The following CSNK1G3 variants were observed in gnomAD, a reference collection of about 807,000 sequenced individuals.
The protein encoded by CSNK1G3 is casein kinase I isoform gamma-3.
CSNK1G3 carries 23 observed loss-of-function variants against 64.3 expected under a neutral mutation model. That is an observed-to-expected ratio of 0.36 (90% confidence interval 0.26 to 0.51). The LOEUF (loss-of-function observed/expected upper bound fraction) is 0.51. Ranked by LOEUF, CSNK1G3 falls within the 20% of genes least tolerant of loss-of-function variation. The pLI is 0.96. For missense variants in CSNK1G3, 357 were observed against 510.5 expected, an observed-to-expected ratio of 0.70 and a Z score of 2.90; for synonymous variants, 158 against 162.2, an observed-to-expected ratio of 0.97 and a Z score of 0.20.
intron 6 of CSNK1G3, among the ~76,000 whole-genome samples, chr5:123,585,762 A>G (rs776084324): frequency 1.5e-4 from 23 of 152,216 alleles, no homozygotes; most frequent in Non-Finnish European, 2.8e-4. Flanking sequence ...CTTATACTTC[A>G]TAGCCACTAG....
chr5:123,542,400 A>G (rs1781816734), intron 1 of CSNK1G3, among the ~76,000 whole-genome samples: 1 of 152,174 alleles, frequency 6.6e-6, no homozygotes, highest in Non-Finnish European at 1.5e-5. Context: ...TTTATCTTTA[A>G]AGGAAATTAA....
rs189962750 is a variant in CSNK1G3, at chr5:123,563,274, C to T, written c.289+5710C>T. Reference sequence around the variant, plus strand: ...ATTCATATGTTAAATCATCATTTCTCGAGTGGCTTGACTTTTTGAGATTCC... The same window carrying T: ...ATTCATATGTTAAATCATCATTTCTTGAGTGGCTTGACTTTTTGAGATTCC... On this transcript the variant is annotated intron_variant, in intron 4 of 12. Coordinates refer to ENST00000345990, the Ensembl canonical transcript of CSNK1G3. 2.0e-5 allele frequency among the ~76,000 whole-genome samples: 3 copies of T among 152,084 alleles called. No individual in the cohort carries two copies. The East Asian group carries it at 5.8e-4, about 29-fold the overall frequency.
chr5:123,545,853 T>C lies in CSNK1G3; in HGVS notation c.178+12T>C. 1 of 1,602,110 alleles carries C rather than the reference T, an allele frequency of 6.2e-7. No individual in the cohort carries two copies. Among genetic ancestry groups the C allele is most frequent in the South Asian group, 1.1e-5 (1 of 90,716 alleles). On this transcript the variant is annotated intron_variant, in intron 2 of 12. Coordinates refer to ENST00000345990, the Ensembl canonical transcript of CSNK1G3. ...AGAATTACGATTAGGTAAGACTATT[T>C]TGTTTATTCCATTATGTTAGAAACA...
chr5:123,613,370 A>G (rs1051399615), intron 12 of CSNK1G3, among the ~76,000 whole-genome samples: 24 of 151,534 alleles, frequency 1.6e-4, no homozygotes, highest in Non-Finnish European at 2.9e-5. Flanking sequence ...TCAGCCTCTC[A>G]AGGAGATGGG....
chr5:123,519,228 A>G (rs1375687222), intron 1 of CSNK1G3, among the ~76,000 whole-genome samples: 1 of 150,898 alleles, frequency 6.6e-6, no homozygotes, highest in Non-Finnish European at 1.5e-5. Flanking sequence ...TAATTGTTGT[A>G]TGTTTAGTAG....
intron 6 of CSNK1G3, among the ~76,000 whole-genome samples, chr5:123,582,830 A>G (rs1723959151): frequency 6.6e-6 from 1 of 152,228 alleles, no homozygotes; most frequent in African/African-American, 2.4e-5. Context: ...TGTGTTTCAA[A>G]GAGAAAGCCT....
At chr5:123,512,910 C>T (rs902949688) in intron 1 of CSNK1G3, among the ~76,000 whole-genome samples, 2 of 152,116 alleles carry the variant, frequency 1.3e-5, no homozygotes, top group Non-Finnish European at 2.9e-5. Context: ...CCAACTGGGC[C>T]GGCGGGGGCT....
chr5:123,552,036 A>G (rs1286916298), intron 2 of CSNK1G3, among the ~76,000 whole-genome samples: 1 of 152,230 alleles, frequency 6.6e-6, no homozygotes, highest in Non-Finnish European at 1.5e-5. Context: ...TTGCAGTGCT[A>G]AAGATTACTG....
intron 6 of CSNK1G3, among the ~76,000 whole-genome samples, chr5:123,587,636 G>A: frequency 6.6e-6 from 1 of 152,118 alleles, no homozygotes; most frequent in Non-Finnish European, 1.5e-5. Flanking sequence ...TATCATGGGA[G>A]TTTTGTGCTC....
chr5:123,525,790 G>A (rs888802988), intron 1 of CSNK1G3, among the ~76,000 whole-genome samples: 4 of 151,708 alleles, frequency 2.6e-5, no homozygotes, highest in South Asian at 4.2e-4. Flanking sequence ...TCAGGAGATC[G>A]AGACTGTCCT....
At chr5:123,551,829 C>T (rs983654683) in intron 2 of CSNK1G3, among the ~76,000 whole-genome samples, 1 of 152,110 alleles carries the variant, frequency 6.6e-6, no homozygotes, top group Non-Finnish European at 1.5e-5. Flanking sequence ...TTGTTTTCCT[C>T]ACTATAAAAG....
intron 6 of CSNK1G3, among the ~76,000 whole-genome samples, chr5:123,582,079 T>TGAGGA (rs1157094177): frequency 6.6e-6 from 1 of 152,122 alleles, no homozygotes; most frequent in African/African-American, 2.4e-5. Flanking sequence ...TGCTTCTGTG[T>TGAGGA]GAGGCATCGA....
chr5:123,576,115 A>G (rs1014657907), intron 6 of CSNK1G3, 152 bp downstream of exon 6: 8 of 539,324 alleles, frequency 1.5e-5, no homozygotes, highest in African/African-American at 1.1e-4. Context: ...ACTTTCACTT[A>G]TATTTTAATA....
chr5:123,579,715 A>G (rs1789888450), intron 6 of CSNK1G3, among the ~76,000 whole-genome samples: 1 of 152,038 alleles, frequency 6.6e-6, no homozygotes, highest in Non-Finnish European at 1.5e-5. Context: ...ATCAGTACCT[A>G]GGAAGTGAGA....
chr5:123,603,948 G>C (rs1794913011), intron 10 of CSNK1G3, among the ~76,000 whole-genome samples: 1 of 152,078 alleles, frequency 6.6e-6, no homozygotes, highest in African/African-American at 2.4e-5. Context: ...TAAGCAGAGA[G>C]CTATACATGA....
intron 1 of CSNK1G3, among the ~76,000 whole-genome samples, chr5:123,520,760 T>C (rs1316912602): frequency 6.6e-6 from 1 of 152,096 alleles, no homozygotes; most frequent in African/African-American, 2.4e-5. Flanking sequence ...TTATTTATTT[T>C]TTTAGTTTGT....
intron 12 of CSNK1G3, among the ~76,000 whole-genome samples, chr5:123,608,809 A>T (rs1795808947): frequency 6.6e-6 from 1 of 152,112 alleles, no homozygotes; most frequent in South Asian, 2.1e-4. Context: ...CAGTATTTTT[A>T]AAAAACTTCT....
chr5:123,586,965 T>C (rs1212092324), intron 6 of CSNK1G3, among the ~76,000 whole-genome samples: 4 of 152,140 alleles, frequency 2.6e-5, no homozygotes, highest in African/African-American at 9.7e-5. Context: ...GGGAAACTCC[T>C]TATAAAACCA....
In CSNK1G3 at chr5:123,540,643, A is replaced by T. The variant is rs932007320; in HGVS notation, c.-247-4774A>T. 4.6e-5 allele frequency among the ~76,000 whole-genome samples: 7 copies of T among 150,814 alleles called. No homozygotes were observed. In the East Asian group the frequency reaches 1.4e-3, roughly 29 times the overall value. On this transcript the variant is annotated intron_variant, in intron 1 of 12. Coordinates refer to ENST00000345990, the Ensembl canonical transcript of CSNK1G3. ...TCGATTTCTAATTTAATTATTTTTT[A>T]TTTTTTTGAGACAGTGTCTTGCTCT...
Sources: gnomAD v4.1 joint callset for allele counts (sites outside exome capture counted in the v4.1 genomes callset) on GRCh38, gnomAD v4.1.1 for gene constraint, MANE v1.5 for transcripts, NCBI Gene and HGNC (gene_info 2026-07-23, HGNC 2026-07-21) for gene names.